Variants in STAM observed in about 807,000 individuals in gnomAD.
The protein encoded by STAM is signal transducing adaptor molecule.
A neutral mutation model predicts 63.4 loss-of-function variants in STAM; 16 were observed. The observed-to-expected ratio is 0.25, with a 90% confidence interval of 0.17 to 0.38. STAM has a LOEUF of 0.38. STAM is among the 10% of genes least tolerant of loss of function. The pLI is 1.00. For missense variants in STAM, 636 were observed against 657.1 expected, an observed-to-expected ratio of 0.97 and a Z score of 0.35; for synonymous variants, 238 against 223.9, an observed-to-expected ratio of 1.06 and a Z score of -0.56.
rs7907395 is a variant in STAM, at chr10:17,667,928, G to C, written c.125+7380G>C. Among the ~76,000 whole-genome samples, 802 of 152,332 alleles carry C rather than the reference G, an allele frequency of 5.3e-3. 13 individuals are homozygous for C. The highest frequency in any genetic ancestry group is 0.019 in the African/African-American group (777 of 41,566). On this transcript the variant is annotated intron_variant, in intron 2 of 13. Transcript: ENST00000377524. ...GTCAGTTGCCCTGAATGAGCGCAGA[G>C]CTGGGTTTCAGAGTGAGTTAGAAAA...
chr10:17,690,112 A>C (rs1835466661), intron 5 of STAM, among the ~76,000 whole-genome samples: 1 of 152,240 alleles, frequency 6.6e-6, no homozygotes, highest in Non-Finnish European at 1.5e-5. Context: ...TGAGACTCAG[A>C]ATGGTTAAGT....
chr10:17,663,652 A>C (rs1554823119), intron 2 of STAM, among the ~76,000 whole-genome samples: 2 of 152,016 alleles, frequency 1.3e-5, no homozygotes, highest in Admixed American at 1.3e-4. Flanking sequence ...GTTAATCTTC[A>C]AGCATTTATT....
chr10:17,692,858 A>T (rs1300489805), intron 5 of STAM, among the ~76,000 whole-genome samples: 1 of 152,054 alleles, frequency 6.6e-6, no homozygotes, highest in African/African-American at 2.4e-5. Context: ...ATTTATGTTT[A>T]AAGTAGTCAT....
intron 10 of STAM, 92 bp from the exon 11 acceptor site, chr10:17,704,878 C>A: frequency 1.8e-6 from 2 of 1,104,258 alleles, no homozygotes; most frequent in Non-Finnish European, 2.6e-6. Flanking sequence ...CAAATTAAAT[C>A]TTTTATTCCT....
At position 17,708,035 on chromosome 10, in the gene STAM, C is replaced by T. The variant is rs561298546; in HGVS notation, c.1210-741C>T. Reference sequence around the variant, plus strand: ...CCTCCCGAGTAGCTGGGACTGCAGGCGCCCGCCACCACGCCTGGCTAATTT... The same window carrying T: ...CCTCCCGAGTAGCTGGGACTGCAGGTGCCCGCCACCACGCCTGGCTAATTT... On this transcript the variant is annotated intron_variant, in intron 12 of 13. Coordinates refer to ENST00000377524, the MANE Select transcript of STAM (RefSeq NM_003473.4). Among the ~76,000 whole-genome samples the T allele has an allele frequency of 2.7e-4, 41 of 152,168 alleles. No individual in the cohort carries two copies. In the East Asian group the frequency reaches 5.8e-3, roughly 22 times the overall value.
intron 2 of STAM, among the ~76,000 whole-genome samples, chr10:17,665,709 G>A (rs1259487160): frequency 1.3e-5 from 2 of 151,392 alleles, no homozygotes; most frequent in East Asian, 1.9e-4. Flanking sequence ...GTAATTTTTA[G>A]TAATTATCTC....
intron 1 of STAM, among the ~76,000 whole-genome samples, chr10:17,650,861 C>G (rs1434806385): frequency 6.6e-6 from 1 of 151,962 alleles, no homozygotes; most frequent in Admixed American, 6.6e-5. Flanking sequence ...GTCAGCAGAT[C>G]GAGACCATCC....
chr10:17,644,307 GA>G lies in STAM; in HGVS notation c.-32del. On this transcript the variant is annotated 5_prime_UTR_variant, in exon 1 of 14. Coordinates refer to ENST00000377524, the MANE Select transcript of STAM (RefSeq NM_003473.4). The stretch of plus-strand genomic sequence containing the variant: ...CTCTGACTCCCGTGCTGTCGAGAGG[GA>G]GTCCCCGGGGACACCTCGGCACGCA... 1 of 1,613,864 alleles carries G rather than the reference GA, an allele frequency of 6.2e-7. No homozygotes were observed. Among genetic ancestry groups the G allele is most frequent in the African/African-American group, 1.3e-5 (1 of 75,046 alleles).
intron 8 of STAM, among the ~76,000 whole-genome samples, chr10:17,698,532 A>G (rs1031037795): frequency 5.3e-5 from 8 of 151,736 alleles, no homozygotes; most frequent in Non-Finnish European, 1.2e-4. Context: ...ATCAGAGCCT[A>G]TGTAGTGGGG....
In STAM at chr10:17,714,590, C is replaced by T; in HGVS notation, c.1433C>T (p.Pro478Leu). The change falls in exon 14 of 14, where the codon CCA (proline) becomes CTA (leucine). Residue 478 changes from proline to leucine, a missense_variant. Around this residue, in one of 3 missense-constraint regions of STAM, gnomAD observed 532 missense variants for 536.9 expected, o/e 0.99. Coordinates refer to ENST00000377524, the MANE Select transcript of STAM (RefSeq NM_003473.4). ...VQGNTYPSQA[P>L]VYSPPPAATA... ...GGAAACACATATCCCAGCCAGGCGC[C>T]AGTATATAGTCCTCCTCCTGCCGCT... 1 of 1,614,182 alleles carries T rather than the reference C, an allele frequency of 6.2e-7. No homozygotes were observed.
chr10:17,654,368 G>A (rs1444127518), intron 1 of STAM, among the ~76,000 whole-genome samples: 4 of 151,912 alleles, frequency 2.6e-5, no homozygotes, highest in South Asian at 2.1e-4. Context: ...GACTACATGC[G>A]CCCACCACCA....
chr10:17,665,282 A>G (rs1253282929), intron 2 of STAM, among the ~76,000 whole-genome samples: 4 of 152,156 alleles, frequency 2.6e-5, no homozygotes, highest in Non-Finnish European at 5.9e-5. Flanking sequence ...TGTTGATTAT[A>G]TAAAGTATTT....
intron 4 of STAM, among the ~76,000 whole-genome samples, 193 bp from the exon 5 acceptor site, chr10:17,687,834 G>A (rs1564554316): frequency 6.6e-6 from 1 of 152,170 alleles, no homozygotes; most frequent in Non-Finnish European, 1.5e-5. Context: ...TTAATTTGAA[G>A]TGAGATATAT....
In STAM at chr10:17,700,206, A is replaced by C. The variant is rs782334138; in HGVS notation, c.839A>C (p.Lys280Thr). ...AEPEMIKTEK[K>T]TVQFSDDVQV... Reference sequence around the variant, plus strand: ...TATCTTACAGTTAAAACAGAGAAGAAGACGGTACAATTTAGTGATGATGTT... The same window carrying C: ...TATCTTACAGTTAAAACAGAGAAGACGACGGTACAATTTAGTGATGATGTT... The change falls in exon 9 of 14, where the codon AAG becomes ACG. Residue 280 changes from lysine (K) to threonine (T), a missense_variant. Lys to Thr is a moderately conservative substitution (Grantham distance 78). This residue lies in a region of STAM where 532 missense variants were observed against 536.9 expected (regional missense o/e 0.99). Coordinates refer to ENST00000377524, the MANE Select transcript of STAM (RefSeq NM_003473.4). 11 of 1,608,306 alleles carry C rather than the reference A, an allele frequency of 6.8e-6. No homozygotes were observed. The highest frequency in any genetic ancestry group is 4.5e-5 in the South Asian group (4 of 89,576).
chr10:17,678,276 A>C (rs758992603), intron 2 of STAM, among the ~76,000 whole-genome samples: 1 of 124,616 alleles, frequency 8.0e-6, no homozygotes, highest in African/African-American at 2.8e-5. Context: ...TTTTTGGAAG[A>C]CAGAGTCTCG....
chr10:17,685,126 C>T (rs1209587263), intron 4 of STAM, among the ~76,000 whole-genome samples, 199 bp downstream of exon 4: 1 of 152,116 alleles, frequency 6.6e-6, no homozygotes, highest in East Asian at 1.9e-4. Flanking sequence ...TTTTTCAAGC[C>T]ATATTAGAGT....
chr10:17,675,556 A>G (rs1461328238), intron 2 of STAM, among the ~76,000 whole-genome samples: 4 of 151,978 alleles, frequency 2.6e-5, no homozygotes, highest in South Asian at 4.1e-4. Context: ...TTTAAACATG[A>G]TATTGTAGTT....
At chr10:17,708,980 G>A in intron 13 of STAM, 29 bp downstream of exon 13, 1 of 1,604,280 alleles carries the variant, frequency 6.2e-7, no homozygotes, top group Non-Finnish European at 8.5e-7. Context: ...CTTGTTTGGA[G>A]TTAGTGCTGT....
intron 13 of STAM, among the ~76,000 whole-genome samples, chr10:17,712,428 G>A (rs782436416): frequency 1.5e-4 from 23 of 152,172 alleles, no homozygotes; most frequent in Non-Finnish European, 2.4e-4. Context: ...ATGGAGTGAT[G>A]ACAAATAATG....
Sources: allele counts gnomAD v4.1 joint callset (sites outside exome capture counted in the v4.1 genomes callset), GRCh38; gene constraint gnomAD v4.1.1; regional missense constraint gnomAD v4.1.1; transcripts MANE v1.5; gene names NCBI Gene and HGNC (gene_info 2026-07-23, HGNC 2026-07-21).